ENOX1: variants seen among roughly 807,000 people sequenced by gnomAD.
The protein encoded by ENOX1 is candidate growth-related and time keeping constitutive hydroquinone (NADH) oxidase.
In ENOX1, 42 loss-of-function variants were observed where a neutral mutation model predicts 82.5. That is an observed-to-expected ratio of 0.51 (90% CI 0.40 to 0.66). The LOEUF (loss-of-function observed/expected upper bound fraction) is 0.66, where lower values mean the gene tolerates loss of function less well. ENOX1 is among the 30% of genes least tolerant of loss of function. ENOX1 has a pLI of 0.00. For synonymous variants in ENOX1, 271 were observed against 282.2 expected (o/e 0.96, Z 0.40); for missense variants, 608 against 811.6 (o/e 0.75, Z 3.05).
intron 2 of ENOX1, among the ~76,000 whole-genome samples, chr13:43,629,681 A>G (rs1318988566): frequency 6.6e-6 from 1 of 152,246 alleles, no homozygotes; most frequent in East Asian, 1.9e-4. Context: ...TGAACCAATT[A>G]CATTTCTGCA....
At chr13:43,717,251 A>G (rs1255949223) in intron 1 of ENOX1, among the ~76,000 whole-genome samples, 1 of 152,208 alleles carries the variant, frequency 6.6e-6, no homozygotes, top group Non-Finnish European at 1.5e-5. Flanking sequence ...ATCTACAACC[A>G]TCTGATCTTC....
intron 4 of ENOX1, 132 bp from the exon 5 acceptor site, chr13:43,412,185 A>C: frequency 9.9e-7 from 1 of 1,007,416 alleles, no homozygotes; most frequent in Non-Finnish European, 1.4e-6. Flanking sequence ...AAAGAACTAT[A>C]ATCTGCAGCA....
chr13:43,542,158 G>A (rs1223347730), intron 2 of ENOX1, among the ~76,000 whole-genome samples: 3 of 151,746 alleles, frequency 2.0e-5, no homozygotes, highest in Non-Finnish European at 4.4e-5. Flanking sequence ...CTTTTTTTCC[G>A]AGATGAAATC....
intron 5 of ENOX1, among the ~76,000 whole-genome samples, chr13:43,385,689 T>C (rs79302638): frequency 0.06 from 9,170 of 152,134 alleles, 332 homozygotes; most frequent in South Asian, 0.093. Flanking sequence ...TAAACAACCA[T>C]ATATTTGGAA....
At chr13:43,336,205 C>T (rs186735101) in intron 9 of ENOX1, among the ~76,000 whole-genome samples, 8 of 152,228 alleles carry the variant, frequency 5.3e-5, no homozygotes, top group African/African-American at 1.7e-4. Flanking sequence ...TGAGATGTTC[C>T]TAAGAAGTAA....
chr13:43,595,734 T>C (rs2081440984), intron 2 of ENOX1, among the ~76,000 whole-genome samples: 1 of 152,190 alleles, frequency 6.6e-6, no homozygotes, highest in Non-Finnish European at 1.5e-5. Flanking sequence ...TTAGAAAATA[T>C]CTATATACAA....
In ENOX1 at chr13:43,752,620, A is replaced by C. The variant is rs563121197; in HGVS notation, c.-285+34032T>G. Among the ~76,000 whole-genome samples, 3 of 152,284 alleles carry C rather than the reference A, an allele frequency of 2.0e-5. No individual in the cohort carries two copies. In the East Asian group the frequency reaches 5.8e-4, roughly 29 times the overall value. On this transcript the variant is annotated intron_variant, in intron 1 of 16. Coordinates refer to ENST00000690772, the MANE Select transcript of ENOX1 (RefSeq NM_001347969.2). ...ATCTTGTTTTGACACTATTTGTTGA[A>C]AAATTAATCCTTTCTCCACTGAATT...
intron 3 of ENOX1, among the ~76,000 whole-genome samples, chr13:43,416,227 C>T (rs1415612509): frequency 2.4e-5 from 3 of 124,872 alleles, no homozygotes; most frequent in Non-Finnish European, 3.4e-5. Context: ...GCGCTCCTCA[C>T]TTCCCAGATG....
Position 43,445,268 on chromosome 13 carries a change from C to T in ENOX1, c.-74-32280G>A, listed in dbSNP as rs537995804. ...CCTCCCAAGTAGCTGGGACTACAGG[C>T]ACCCACCACCACGCCTGGCTAATTT... On this transcript the variant is annotated intron_variant, in intron 3 of 16. Coordinates refer to ENST00000690772, the MANE Select transcript of ENOX1 (RefSeq NM_001347969.2). Among the ~76,000 whole-genome samples, 36 of 151,966 alleles carry T rather than the reference C, an allele frequency of 2.4e-4. No individual in the cohort carries two copies. In the East Asian group the frequency reaches 5.4e-3, roughly 23 times the overall value.
At chr13:43,390,258 T>G (rs938037721) in intron 5 of ENOX1, among the ~76,000 whole-genome samples, 15 of 152,168 alleles carry the variant, frequency 9.9e-5, no homozygotes, top group Non-Finnish European at 1.8e-4. Context: ...GGCATATAAA[T>G]GAGCTTTAGA....
intron 2 of ENOX1, among the ~76,000 whole-genome samples, chr13:43,537,806 A>G (rs924247713): frequency 6.6e-6 from 1 of 152,160 alleles, no homozygotes; most frequent in Non-Finnish European, 1.5e-5. Context: ...CTTATTACTG[A>G]TTGGAACTAA....
chr13:43,426,787 T>A (rs766434722), intron 3 of ENOX1, among the ~76,000 whole-genome samples: 6 of 152,168 alleles, frequency 3.9e-5, no homozygotes, highest in Non-Finnish European at 8.8e-5. Context: ...TGTGTACTCA[T>A]CCAAGATATC....
chr13:43,328,646 C>T (rs2048251017), intron 9 of ENOX1, among the ~76,000 whole-genome samples: 1 of 152,064 alleles, frequency 6.6e-6, no homozygotes. Context: ...TGGAGGAGTA[C>T]AGAAAAGAAA....
chr13:43,633,323 G>C lies in ENOX1; in HGVS notation c.-219+34156C>G, dbSNP rs181081002. Among the ~76,000 whole-genome samples, 5 of 152,294 alleles carry C rather than the reference G, an allele frequency of 3.3e-5. 1 individual carries two copies. The highest frequency in any genetic ancestry group is 1.2e-4 in the African/African-American group (5 of 41,564). On this transcript the variant is annotated intron_variant, in intron 2 of 16. Transcript: ENST00000690772. The stretch of plus-strand genomic sequence containing the variant: ...AAAATAAATTGGTAGAGTTATTTTA[G>C]AGGAAATTTGCCAGTATCTATCATA...
chr13:43,482,041 A>T lies in ENOX1; in HGVS notation c.-75+1968T>A, dbSNP rs551355799. Among the ~76,000 whole-genome samples the T allele has an allele frequency of 3.3e-5, 5 of 152,334 alleles. No individual in the cohort carries two copies. The South Asian group carries it at 1.0e-3, about 32-fold the overall frequency. On this transcript the variant is annotated intron_variant, in intron 3 of 16. Transcript: ENST00000690772. ...GAGAAATTGGAACCCTTGTACACTG[A>T]GGGTGAGAATGCAAACTGGTACTTC...
At chr13:43,317,543 A>T (rs2047572934) in intron 11 of ENOX1, among the ~76,000 whole-genome samples, 1 of 149,652 alleles carries the variant, frequency 6.7e-6, no homozygotes, top group Non-Finnish European at 1.5e-5. Context: ...TATTATTATT[A>T]TTTTTATTAC....
At chr13:43,552,018 C>T (rs1235327787) in intron 2 of ENOX1, among the ~76,000 whole-genome samples, 1 of 152,134 alleles carries the variant, frequency 6.6e-6, no homozygotes, top group Admixed American at 6.5e-5. Flanking sequence ...CTACCTGATA[C>T]CCTGATGTCT....
At chr13:43,353,949 T>C (rs996267926) in intron 8 of ENOX1, among the ~76,000 whole-genome samples, 4 of 152,254 alleles carry the variant, frequency 2.6e-5, no homozygotes, top group Non-Finnish European at 2.9e-5. Context: ...TGCCACATAC[T>C]TCATACGTGC....
At chr13:43,719,172 T>C (rs909145090) in intron 1 of ENOX1, among the ~76,000 whole-genome samples, 1 of 152,130 alleles carries the variant, frequency 6.6e-6, no homozygotes, top group African/African-American at 2.4e-5. Flanking sequence ...CTCTTCTAAG[T>C]ATTTGTTTCC....
Sources: allele counts gnomAD v4.1 joint callset (sites outside exome capture counted in the v4.1 genomes callset), GRCh38; gene constraint gnomAD v4.1.1; transcripts MANE v1.5; gene names NCBI Gene and HGNC (gene_info 2026-07-23, HGNC 2026-07-21).